OR13C3: variants seen among roughly 807,000 people sequenced by gnomAD.
OR13C3 encodes olfactory receptor 13C3.
In OR13C3, 19 loss-of-function variants were observed where a neutral mutation model predicts 14.4. The ratio of observed to expected loss-of-function variants is 1.31; its 90% CI spans 0.92 to 1.93. The LOEUF is 1.93. Among genes scored for constraint, OR13C3 ranks in the 30% most tolerant of loss-of-function variants. The pLI is 0.00. For missense variants in OR13C3, 394 were observed against 381.4 expected, an observed-to-expected ratio of 1.03 and a Z score of -0.27; for synonymous variants, 140 against 142.5, an observed-to-expected ratio of 0.98 and a Z score of 0.12.
chr9:104,536,802 C>CATTCTTT lies in OR13C3; in HGVS notation c.-80_-79insAAAGAAT, dbSNP rs1828826549. The CATTCTTT allele has an allele frequency of 5.6e-6, 9 of 1,608,866 alleles. No homozygotes were observed. Among genetic ancestry groups the CATTCTTT allele is most frequent in the Non-Finnish European group, 6.8e-6 (8 of 1,177,014 alleles). ...CCAAGAAACAAACAGTACAAATTAA[C>CATTCTTT]TGAACAATCATTCTTTTGACACATA... On this transcript the variant is annotated 5_prime_UTR_variant, in exon 1 of 1. In the 5' UTR this introduces an upstream ATG that the reference lacks. Coordinates refer to ENST00000641090, the Ensembl canonical transcript of OR13C3.
chr9:104,536,237 C>A (rs1828815582), exon 1 of OR13C3: 2 of 1,614,070 alleles, frequency 1.2e-6, no homozygotes, highest in Non-Finnish European at 8.5e-7. Context: ...AGTCTCATGG[C>A]AAGTAATGTT....
At chr9:104,536,117 T>A in exon 1 of OR13C3, 1 of 1,612,990 alleles carries the variant, frequency 6.2e-7, no homozygotes, top group African/African-American at 1.3e-5. Context: ...AAGGCCATAT[T>A]TGATATCACC....
chr9:104,536,184 T>C lies in OR13C3; in HGVS notation c.540A>G (p.Glu180=), dbSNP rs143017579. The C allele has an allele frequency of 2.0e-5, 32 of 1,614,004 alleles. No homozygotes were observed. The African/African-American group carries it at 2.5e-4, about 13-fold the overall frequency. The change falls in exon 1 of 1, where the codon GAA becomes GAG. Residue 180 remains glutamate (E), a synonymous_variant. Coordinates refer to ENST00000641090, the Ensembl canonical transcript of OR13C3. ...AGGCCAGCTTGAGGACAGCTAATAT[T>C]TCACATGCGAAATGATTGATAATAT...
Position 104,536,582 on chromosome 9 carries a change from C to T in OR13C3, c.142G>A (p.Ala48Thr), listed in dbSNP as rs79185841. 3,090 of 1,614,114 alleles carry T rather than the reference C, an allele frequency of 1.9e-3. 6 individuals carry two copies. Among genetic ancestry groups the T allele is most frequent in the Non-Finnish European group, 2.4e-3 (2,875 of 1,179,996 alleles). The change falls in exon 1 of 1, where the codon GCC becomes ACC. Residue 48 changes from alanine to threonine, a missense_variant. Transcript: ENST00000641090. ...TGAAAATGAGAATCAAAGATGCTGG[C>T]TATGATTAGAACACCATTGCCAATT...
chr9:104,536,174 C>T (rs1419695828), exon 1 of OR13C3: 1 of 1,613,962 alleles, frequency 6.2e-7, no homozygotes, highest in African/African-American at 1.3e-5. Flanking sequence ...AGCTTGAGGA[C>T]AGCTAATATT....
At position 104,535,817 on chromosome 9, in the gene OR13C3, CA is replaced by C. The variant is rs1347977431; in HGVS notation, c.906del (p.Asp302GlufsTer2). On this transcript the variant is annotated frameshift_variant, in exon 1 of 1. Transcript: ENST00000641090. LOFTEE classifies it high-confidence loss of function. ...AGCAAATATTTTACAGCAGCTTTTA[CA>C]TCCTTATTTCTCAAGCTATAGAGTA... is the stretch of plus-strand genomic sequence containing the variant. 2.0e-5 allele frequency: 33 copies of C among 1,613,006 alleles called. No homozygotes were observed. The highest frequency in any genetic ancestry group is 2.5e-5 in the Non-Finnish European group (29 of 1,179,436).
chr9:104,536,123 T>G (rs1828813424), exon 1 of OR13C3: 1 of 1,613,674 alleles, frequency 6.2e-7, no homozygotes, highest in African/African-American at 1.3e-5. Flanking sequence ...ATATTTGATA[T>G]CACCATGGTG....
exon 1 of OR13C3, chr9:104,536,373 C>T: frequency 6.2e-7 from 1 of 1,614,134 alleles, no homozygotes; most frequent in Non-Finnish European, 8.5e-7. Context: ...CAAATGCCAT[C>T]ATGCCAAGAA....
Position 104,536,355 on chromosome 9 carries a change from A to C in OR13C3, c.369T>G (p.Tyr123Ter). 1 of 1,614,152 alleles carries C rather than the reference A, an allele frequency of 6.2e-7. No individual in the cohort carries two copies. Among genetic ancestry groups the C allele is most frequent in the Non-Finnish European group, 8.5e-7 (1 of 1,179,996 alleles). ...ATCTCAGTGGGTTGCAGATGGCCACATAACGATCAAATGCCATCATGCCAA... is the reference window on the plus strand; with the variant it reads ...ATCTCAGTGGGTTGCAGATGGCCACCTAACGATCAAATGCCATCATGCCAA... Residue 123 changes from tyrosine (Y) to a stop codon, truncating the protein, a stop_gained, in exon 1 of 1, where the codon TAT becomes TAG. Transcript: ENST00000641090. LOFTEE classifies it high-confidence loss of function.
chr9:104,536,693 C>A lies in OR13C3; in HGVS notation c.31G>T (p.Glu11Ter), dbSNP rs142626169. ...CCAGAAAGACCCAGAAGAAGAAATTCTGACACAAGTGTCTGGTTAATCTCA... is the reference window on the plus strand; with the variant it reads ...CCAGAAAGACCCAGAAGAAGAAATTATGACACAAGTGTCTGGTTAATCTCA... Residue 11 changes from glutamate to a stop codon, truncating the protein, a stop_gained, in exon 1 of 1, where the codon GAA becomes TAA. Coordinates refer to ENST00000641090, the Ensembl canonical transcript of OR13C3. LOFTEE classifies it high-confidence loss of function. 47 of 1,614,018 alleles carry A rather than the reference C, an allele frequency of 2.9e-5. No homozygotes were observed. In the East Asian group the frequency reaches 1.0e-3, roughly 35 times the overall value.
chr9:104,535,926 G>C (rs754857611), exon 1 of OR13C3: 10 of 1,614,076 alleles, frequency 6.2e-6, no homozygotes, highest in Non-Finnish European at 6.8e-6. Context: ...CCCCAATCAG[G>C]TCTTGAGACT....
exon 1 of OR13C3, chr9:104,535,923 C>T: frequency 6.2e-7 from 1 of 1,614,150 alleles, no homozygotes; most frequent in Non-Finnish European, 8.5e-7. Context: ...CTTCCCCAAT[C>T]AGGTCTTGAG....
In OR13C3 at chr9:104,535,987, G is replaced by C. The variant is rs1828810865; in HGVS notation, c.737C>G (p.Thr246Ser). 2.5e-6 allele frequency: 4 copies of C among 1,613,702 alleles called. No individual in the cohort carries two copies. In the South Asian group the frequency reaches 4.4e-5, roughly 18 times the overall value. ...GGTACCGTAAAATATGATCACCACAGTCAGGTGAGCTGAGCACGTGGAAAA... is the reference window on the plus strand; with the variant it reads ...GGTACCGTAAAATATGATCACCACACTCAGGTGAGCTGAGCACGTGGAAAA... Residue 246 changes from threonine to serine, a missense_variant, in exon 1 of 1, where the codon ACT becomes AGT. Physicochemically the swap from Thr to Ser is moderately conservative, Grantham distance 58. Coordinates refer to ENST00000641090, the Ensembl canonical transcript of OR13C3.
chr9:104,536,470 A>C lies in OR13C3; in HGVS notation c.254T>G (p.Leu85Ter). ...GGAAATGTTTCTTTTCTTTGAGATT[A>C]AGCTCACCAATGTTGAGGGAACAGA... is the stretch of plus-strand genomic sequence containing the variant. The change falls in exon 1 of 1, where the codon TTA (leucine) becomes TGA (stop). Residue 85 changes from leucine (L) to a stop codon, truncating the protein, a stop_gained. Coordinates refer to ENST00000641090, the Ensembl canonical transcript of OR13C3. LOFTEE classifies it high-confidence loss of function. The C allele has an allele frequency of 6.2e-7, 1 of 1,614,184 alleles. No individual in the cohort carries two copies. Among genetic ancestry groups the C allele is most frequent in the Non-Finnish European group, 8.5e-7 (1 of 1,180,020 alleles).
rs1828816415 is a variant in OR13C3 at position 104,536,284 on chromosome 9, A to G, written c.440T>C (p.Val147Ala). ...ATTTATTCCACCGGACAGCCAGGACACAGAAGCCATCAATACATACGCCAC... is the reference window on the plus strand; with the variant it reads ...ATTTATTCCACCGGACAGCCAGGACGCAGAAGCCATCAATACATACGCCAC... The change falls in exon 1 of 1, where the codon GTG becomes GCG. Residue 147 changes from valine (V) to alanine (A), a missense_variant. Coordinates refer to ENST00000641090, the Ensembl canonical transcript of OR13C3. 1 of 1,614,180 alleles carries G rather than the reference A, an allele frequency of 6.2e-7. No homozygotes were observed. The highest frequency in any genetic ancestry group is 8.5e-7 in the Non-Finnish European group (1 of 1,180,034).
chr9:104,535,976 T>G (rs550821721), exon 1 of OR13C3: 2 of 1,613,722 alleles, frequency 1.2e-6, no homozygotes, highest in Non-Finnish European at 1.7e-6. Context: ...CCGTAAAATA[T>G]GATCACCACA....
exon 1 of OR13C3, chr9:104,536,647 A>T: frequency 6.2e-7 from 1 of 1,614,130 alleles, no homozygotes; most frequent in Non-Finnish European, 8.5e-7. Flanking sequence ...AGCAAAGTAA[A>T]CAATCTCAAT....
At chr9:104,536,717 C>T (rs764550950) in exon 1 of OR13C3, 2 of 1,613,806 alleles carry the variant, frequency 1.2e-6, no homozygotes. Flanking sequence ...TGGTTAATCT[C>T]ACCCATGTCA....
chr9:104,536,656 A>G, exon 1 of OR13C3: 1 of 1,614,080 alleles, frequency 6.2e-7, no homozygotes, highest in South Asian at 1.1e-5. Context: ...AACAATCTCA[A>G]TCTTTGGGTA....
Sources: allele counts gnomAD v4.1 joint callset, GRCh38; gene constraint gnomAD v4.1.1; transcripts MANE v1.5; gene names NCBI Gene and HGNC (gene_info 2026-07-23, HGNC 2026-07-21).